Variants in LHFPL2 observed in about 807,000 individuals in gnomAD.
The protein encoded by LHFPL2 is LHFPL tetraspan subfamily member 2 protein.
LHFPL2 carries 7 observed loss-of-function variants against 17.5 expected under a neutral mutation model. The observed-to-expected ratio is 0.40, with a 90% CI of 0.23 to 0.75. LHFPL2 has a LOEUF of 0.75. Ranked by LOEUF, LHFPL2 falls within the 30% of genes least tolerant of loss-of-function variation. The pLI is 0.37. For missense variants in LHFPL2, 241 were observed against 294.8 expected, an observed-to-expected ratio of 0.82 and a Z score of 1.34; for synonymous variants, 134 against 116.2, an observed-to-expected ratio of 1.15 and a Z score of -0.99.
At position 78,556,931 on chromosome 5, in the gene LHFPL2, A is replaced by G. The variant is rs539536635; in HGVS notation, c.-186+7882T>C. 2.2e-4 allele frequency among the ~76,000 whole-genome samples: 33 copies of G among 151,314 alleles called. 1 individual carries two copies. The highest frequency in any genetic ancestry group is 8.0e-4 in the African/African-American group (33 of 41,200). ...TTGGGTGATTTTGATAACTGGGGGG[A>G]CAGGTCACACATAAACAGCTTCTGG... On this transcript the variant is annotated intron_variant, in intron 3 of 4. Transcript: ENST00000380345.
At chr5:78,548,069 A>T (rs1043562502) in intron 3 of LHFPL2, among the ~76,000 whole-genome samples, 3 of 152,264 alleles carry the variant, frequency 2.0e-5, no homozygotes, top group African/African-American at 7.2e-5. Flanking sequence ...AAGAGCCTTC[A>T]TGACCAAGTG....
intron 4 of LHFPL2, among the ~76,000 whole-genome samples, chr5:78,498,344 G>T (rs747821972): frequency 3.2e-4 from 49 of 152,142 alleles, no homozygotes; most frequent in Admixed American, 1.6e-3. Flanking sequence ...AACAACTGGT[G>T]ACTGAGTAAT....
chr5:78,639,232 C>T (rs1248135954), intron 1 of LHFPL2, among the ~76,000 whole-genome samples: 4 of 152,208 alleles, frequency 2.6e-5, no homozygotes, highest in African/African-American at 7.2e-5. Flanking sequence ...CTGACTACAG[C>T]TCTTTTTGGC....
At position 78,627,448 on chromosome 5, in the gene LHFPL2, A is replaced by G. The variant is rs149066821; in HGVS notation, c.-245+4816T>C. 5.6e-4 allele frequency among the ~76,000 whole-genome samples: 86 copies of G among 152,300 alleles called. 1 individual carries two copies. Among genetic ancestry groups the G allele is most frequent in the East Asian group, 3.7e-3 (19 of 5,182 alleles). Reference sequence around the variant, plus strand: ...TGGGGAATGGTGCCAGCTGGTGGCTAGTACAAAGAACTGTTTCTCACCACT... The same window carrying G: ...TGGGGAATGGTGCCAGCTGGTGGCTGGTACAAAGAACTGTTTCTCACCACT... On this transcript the variant is annotated intron_variant, in intron 2 of 4. Transcript: ENST00000380345.
At chr5:78,548,413 C>T (rs1400749979) in intron 3 of LHFPL2, among the ~76,000 whole-genome samples, 1 of 152,232 alleles carries the variant, frequency 6.6e-6, no homozygotes, top group Non-Finnish European at 1.5e-5. Context: ...TGCATCTCAC[C>T]AAAGGCCTGC....
rs564031266 is a variant in LHFPL2 at position 78,583,030 on chromosome 5, G to C, written c.-244-18159C>G. Among the ~76,000 whole-genome samples the C allele has an allele frequency of 6.0e-3, 914 of 152,098 alleles. 10 individuals carry two copies. Among genetic ancestry groups the C allele is most frequent in the African/African-American group, 0.021 (849 of 41,400 alleles). ...TCTTCTTGTTGAATTTATCCCTTTA[G>C]CATTATGTAATGGCCTTGTCTCTTT... On this transcript the variant is annotated intron_variant, in intron 2 of 4. Transcript: ENST00000380345.
At chr5:78,543,092 A>G (rs1009177525) in intron 3 of LHFPL2, among the ~76,000 whole-genome samples, 4 of 152,154 alleles carry the variant, frequency 2.6e-5, no homozygotes, top group African/African-American at 9.7e-5. Context: ...CAGGCAGAGA[A>G]CCTACCTGCA....
At chr5:78,557,941 A>C (rs1304357966) in intron 3 of LHFPL2, among the ~76,000 whole-genome samples, 1 of 152,238 alleles carries the variant, frequency 6.6e-6, no homozygotes, top group Non-Finnish European at 1.5e-5. Flanking sequence ...AGCATGAAAG[A>C]AAGCAAAGAT....
intron 1 of LHFPL2, among the ~76,000 whole-genome samples, chr5:78,635,663 T>C (rs1047815576): frequency 2.6e-5 from 4 of 151,778 alleles, no homozygotes; most frequent in African/African-American, 7.2e-5. Context: ...ATTAGCCGGG[T>C]GTGGTGGTGG....
intron 3 of LHFPL2, among the ~76,000 whole-genome samples, chr5:78,563,470 C>G (rs1364570711): frequency 6.6e-6 from 1 of 151,994 alleles, no homozygotes; most frequent in Non-Finnish European, 1.5e-5. Context: ...CTGAGGTGGG[C>G]AGAGCACTTG....
chr5:78,579,550 T>A (rs1207214761), intron 2 of LHFPL2, among the ~76,000 whole-genome samples: 2 of 151,376 alleles, frequency 1.3e-5, no homozygotes, highest in East Asian at 2.0e-4. Context: ...TGTCCATGTG[T>A]TCTCATTGTT....
intron 2 of LHFPL2, among the ~76,000 whole-genome samples, chr5:78,605,703 A>C (rs1182090370): frequency 2.6e-5 from 4 of 152,194 alleles, no homozygotes; most frequent in Non-Finnish European, 2.9e-5. Flanking sequence ...GTCTATCACA[A>C]AATTTCACTC....
intron 3 of LHFPL2, among the ~76,000 whole-genome samples, chr5:78,547,272 C>T (rs533326170): frequency 6.6e-6 from 1 of 152,252 alleles, no homozygotes; most frequent in Non-Finnish European, 1.5e-5. Flanking sequence ...CCACAAACCA[C>T]GATCTTGTGC....
chr5:78,608,025 A>T (rs530038235), intron 2 of LHFPL2, among the ~76,000 whole-genome samples: 31 of 152,368 alleles, frequency 2.0e-4, no homozygotes, highest in African/African-American at 7.5e-4. Flanking sequence ...ATAAGCAATT[A>T]AACAATGAAC....
chr5:78,510,194 GT>G lies in LHFPL2; in HGVS notation c.19del (p.Thr7ProfsTer10). 1 of 1,599,020 alleles carries G rather than the reference GT, an allele frequency of 6.3e-7. No homozygotes were observed. The highest frequency in any genetic ancestry group is 8.5e-7 in the Non-Finnish European group (1 of 1,170,288). Reference protein sequence around the residue: MCHVIVTCRSMLWTLLS... With the variant: MCHVIVXCRSMLWTLLS... The stretch of plus-strand genomic sequence containing the variant: ...CAAGGTCCAGAGCATCGAGCGACAG[GT>G]GACAATGACATGACACATATTGATG... On this transcript the variant is annotated frameshift_variant, in exon 4 of 5. Coordinates refer to ENST00000380345, the MANE Select transcript of LHFPL2 (RefSeq NM_005779.3). LOFTEE classifies it high-confidence loss of function.
chr5:78,575,321 C>T (rs973738823), intron 2 of LHFPL2, among the ~76,000 whole-genome samples: 1 of 152,004 alleles, frequency 6.6e-6, no homozygotes, highest in South Asian at 2.1e-4. Context: ...GGCCGAGGTG[C>T]GTGGATCACA....
intron 2 of LHFPL2, among the ~76,000 whole-genome samples, chr5:78,618,216 A>T (rs1437224070): frequency 6.6e-6 from 1 of 152,108 alleles, no homozygotes; most frequent in African/African-American, 2.4e-5. Flanking sequence ...AGAAAAAAAA[A>T]AATTATTCAG....
intron 2 of LHFPL2, among the ~76,000 whole-genome samples, chr5:78,595,135 C>G (rs1039521625): frequency 6.6e-6 from 1 of 152,212 alleles, no homozygotes; most frequent in Non-Finnish European, 1.5e-5. Context: ...CTGCTTCAAA[C>G]CAGGAACTAA....
chr5:78,497,099 ACAAATGGGAGTT>A (rs1339871912), intron 4 of LHFPL2, among the ~76,000 whole-genome samples: 2 of 152,198 alleles, frequency 1.3e-5, no homozygotes, highest in Non-Finnish European at 2.9e-5. Context: ...CCTGATCTCA[ACAAATGGGAGTT>A]CAATTCTTAG....
Sources: allele counts gnomAD v4.1 joint callset (sites outside exome capture counted in the v4.1 genomes callset), GRCh38; gene constraint gnomAD v4.1.1; transcripts MANE v1.5; gene names NCBI Gene and HGNC (gene_info 2026-07-23, HGNC 2026-07-21).